CADM2: variants seen among roughly 807,000 people sequenced by gnomAD.
CADM2 encodes the protein immunoglobulin superfamily member 4D.
Under a neutral mutation model 49.8 loss-of-function variants are expected in CADM2, and 12 were observed. The observed-to-expected ratio is 0.24, with a 90% CI of 0.15 to 0.39. The LOEUF (loss-of-function observed/expected upper bound fraction) is 0.39, where lower values mean the gene tolerates loss of function less well. CADM2 is among the 10% of genes least tolerant of loss of function. The pLI is 1.00. For synonymous variants in CADM2, 214 were observed against 175.4 expected (o/e 1.22, Z -1.74); for missense variants, 378 against 492.3 (o/e 0.77, Z 2.20).
chr3:85,100,702 C>G (rs2037979038), intron 1 of CADM2, among the ~76,000 whole-genome samples: 1 of 152,060 alleles, frequency 6.6e-6, no homozygotes, highest in Non-Finnish European at 1.5e-5. Context: ...TGGAATGGAG[C>G]CCTTGAAGTG....
At chr3:85,637,730 C>A (rs188750539) in intron 1 of CADM2, among the ~76,000 whole-genome samples, 2 of 151,760 alleles carry the variant, frequency 1.3e-5, no homozygotes, top group South Asian at 4.2e-4. Flanking sequence ...TAGCCAAGAG[C>A]ACCTAATAAG....
At chr3:85,934,493 C>T (rs2108535698) in intron 6 of CADM2, among the ~76,000 whole-genome samples, 1 of 151,982 alleles carries the variant, frequency 6.6e-6, no homozygotes, top group South Asian at 2.1e-4. Context: ...CTTCCTAAGT[C>T]ATTTTACACC....
intron 1 of CADM2, among the ~76,000 whole-genome samples, chr3:85,041,628 A>C (rs2035446186): frequency 6.6e-6 from 1 of 152,170 alleles, no homozygotes; most frequent in African/African-American, 2.4e-5. Flanking sequence ...TTAGTCATCT[A>C]TACTAGTTCC....
chr3:85,972,774 A>G (rs571986724), intron 8 of CADM2, among the ~76,000 whole-genome samples: 9 of 151,870 alleles, frequency 5.9e-5, no homozygotes, highest in African/African-American at 2.2e-4. Context: ...AGTTTATTGT[A>G]TACAGCGCTT....
intron 8 of CADM2, among the ~76,000 whole-genome samples, chr3:86,038,968 T>A (rs1042842362): frequency 3.3e-5 from 5 of 152,172 alleles, no homozygotes; most frequent in African/African-American, 9.7e-5. Context: ...AAGGAGAATC[T>A]GGAAGGTAGA....
At chr3:85,831,446 A>T (rs2074183030) in intron 3 of CADM2, among the ~76,000 whole-genome samples, 1 of 151,998 alleles carries the variant, frequency 6.6e-6, no homozygotes, top group African/African-American at 2.4e-5. Context: ...ACATTCCCAC[A>T]AACAGTTTGT....
chr3:85,484,501 T>C (rs553554138), intron 1 of CADM2, among the ~76,000 whole-genome samples: 2 of 152,074 alleles, frequency 1.3e-5, no homozygotes, highest in East Asian at 3.9e-4. Context: ...TTGAATTAAA[T>C]TTGTATTCTA....
chr3:85,708,100 T>A (rs1232101846), intron 1 of CADM2, among the ~76,000 whole-genome samples: 3 of 152,200 alleles, frequency 2.0e-5, no homozygotes, highest in Non-Finnish European at 4.4e-5. Context: ...TGATATCTGA[T>A]GTCTAGATAT....
intron 1 of CADM2, among the ~76,000 whole-genome samples, chr3:85,327,591 A>ACACACCC (rs1553709202): frequency 7.9e-6 from 1 of 127,246 alleles, no homozygotes; most frequent in African/African-American, 3.4e-5. Flanking sequence ...CACACACACC[A>ACACACCC]CACACACACA....
At chr3:85,931,977 A>G (rs1336056685) in intron 6 of CADM2, among the ~76,000 whole-genome samples, 1 of 151,582 alleles carries the variant, frequency 6.6e-6, no homozygotes, top group African/African-American at 2.4e-5. Context: ...AAAGGTTTTA[A>G]GTAGTAAGTT....
At chr3:85,511,854 T>C in intron 1 of CADM2, 1 of 983,156 alleles carries the variant, frequency 1.0e-6, no homozygotes, top group Non-Finnish European at 1.2e-6. Context: ...CTTTCTGTTT[T>C]AGGTAAGCAC....
At chr3:85,313,613 G>A (rs1455465892) in intron 1 of CADM2, among the ~76,000 whole-genome samples, 1 of 152,164 alleles carries the variant, frequency 6.6e-6, no homozygotes, top group East Asian at 1.9e-4. Context: ...TACAGTGGCA[G>A]TAGCCACTAA....
At chr3:85,363,242 C>T (rs945323018) in intron 1 of CADM2, among the ~76,000 whole-genome samples, 2 of 152,088 alleles carry the variant, frequency 1.3e-5, no homozygotes, top group South Asian at 2.1e-4. Flanking sequence ...TCATAGTGTG[C>T]GTATACTGAG....
At chr3:86,047,764 C>CA (rs576170581) in intron 8 of CADM2, among the ~76,000 whole-genome samples, 187 of 152,180 alleles carry the variant, frequency 1.2e-3, no homozygotes, top group Non-Finnish European at 1.7e-3. Flanking sequence ...TAAAATTAAC[C>CA]AAAACACCAA....
At chr3:85,276,529 A>C (rs902819659) in intron 1 of CADM2, among the ~76,000 whole-genome samples, 1 of 151,328 alleles carries the variant, frequency 6.6e-6, no homozygotes, top group African/African-American at 2.4e-5. Context: ...GTTAATTTTC[A>C]TTAGTATTGA....
intron 1 of CADM2, among the ~76,000 whole-genome samples, chr3:85,437,977 G>T (rs909783871): frequency 6.6e-6 from 1 of 151,902 alleles, no homozygotes; most frequent in Non-Finnish European, 1.5e-5. Context: ...ATTGTGCAAA[G>T]TATTAACAAC....
intron 1 of CADM2, among the ~76,000 whole-genome samples, chr3:85,573,588 C>T (rs1325119424): frequency 6.6e-6 from 1 of 152,134 alleles, no homozygotes; most frequent in African/African-American, 2.4e-5. Context: ...ATTAAAACCT[C>T]TTGGAATTCT....
chr3:85,011,138 A>C (rs991753175), intron 1 of CADM2, among the ~76,000 whole-genome samples: 20 of 151,994 alleles, frequency 1.3e-4, no homozygotes, highest in Non-Finnish European at 2.4e-4. Flanking sequence ...TGCTGGGATC[A>C]CAGGCGTGAG....
At position 85,228,196 on chromosome 3, in the gene CADM2, C is replaced by T. The variant is rs186097814; in HGVS notation, c.61+268528C>T. On this transcript the variant is annotated intron_variant, in intron 1 of 9. Transcript: ENST00000383699. Reference sequence around the variant, plus strand: ...GCCTTGCTAGGTTGGGTAAGTTCTCCTGGATAATATTCTGTACAGCATTTT... The same window carrying T: ...GCCTTGCTAGGTTGGGTAAGTTCTCTTGGATAATATTCTGTACAGCATTTT... Among the ~76,000 whole-genome samples the T allele has an allele frequency of 2.0e-4, 30 of 152,176 alleles. No individual in the cohort carries two copies. The East Asian group carries it at 5.4e-3, about 28-fold the overall frequency.
Sources: allele counts gnomAD v4.1 joint callset (sites outside exome capture counted in the v4.1 genomes callset), GRCh38; gene constraint gnomAD v4.1.1; transcripts MANE v1.5; gene names NCBI Gene and HGNC (gene_info 2026-07-23, HGNC 2026-07-21).